Variants in TMEM181 observed in about 807,000 individuals in gnomAD.
The protein encoded by TMEM181 is G protein-coupled receptor 178.
Under a neutral mutation model 71.9 loss-of-function variants are expected in TMEM181, and 39 were observed. The ratio of observed to expected loss-of-function variants is 0.54; its 90% CI spans 0.42 to 0.71. The LOEUF is 0.71. Among genes scored for constraint, TMEM181 ranks in the 30% least tolerant of loss-of-function variants. The pLI is 0.00. For missense variants in TMEM181, 595 were observed against 583.0 expected, an observed-to-expected ratio of 1.02 and a Z score of -0.21; for synonymous variants, 245 against 228.8, an observed-to-expected ratio of 1.07 and a Z score of -0.64.
chr6:158,633,228 C>T lies in TMEM181; in HGVS notation c.*1340C>T, dbSNP rs960145354. The T allele has an allele frequency of 4.6e-5, 7 of 152,096 alleles. No homozygotes were observed. Among genetic ancestry groups the T allele is most frequent in the Admixed American group, 1.3e-4 (2 of 15,268 alleles). 9.4% of individuals were successfully genotyped at this position (152,096 alleles called of 1,614,324 possible). A position where few individuals can be genotyped will look rare whatever the true frequency, so the allele number is the denominator to read the frequency against. On this transcript the variant is annotated 3_prime_UTR_variant, in exon 17 of 17. Coordinates refer to ENST00000684151, the MANE Select transcript of TMEM181 (RefSeq NM_001376852.1). ...TTGGGTAGAAGGCAACTCGTGCTTC[C>T]GGAAGGGGTTCCCTGTCCTCCATGT...
intron 1 of TMEM181, among the ~76,000 whole-genome samples, chr6:158,567,747 C>G (rs537275673): frequency 6.6e-6 from 1 of 152,252 alleles, no homozygotes; most frequent in Admixed American, 6.5e-5. Flanking sequence ...TGATCTAGGG[C>G]AAGTAATGGA....
chr6:158,611,408 C>G (rs1785299984), intron 10 of TMEM181: 1 of 539,120 alleles, frequency 1.9e-6, no homozygotes, highest in South Asian at 1.4e-5. Context: ...CCAGGTAGAT[C>G]ATTGTGGAGC....
intron 2 of TMEM181, among the ~76,000 whole-genome samples, chr6:158,574,425 T>A (rs1783049927): frequency 6.6e-6 from 1 of 152,170 alleles, no homozygotes; most frequent in Admixed American, 6.5e-5. Flanking sequence ...CAGCACAAGA[T>A]ATATCCATGA....
chr6:158,579,933 T>C (rs1435952727), intron 2 of TMEM181, among the ~76,000 whole-genome samples: 1 of 152,098 alleles, frequency 6.6e-6, no homozygotes, highest in Non-Finnish European at 1.5e-5. Context: ...GAATGGGGAA[T>C]TGTTTGATAG....
At chr6:158,559,989 AC>A (rs945381992), upstream of TMEM181, 14 of 932,066 alleles carry the variant, frequency 1.5e-5, no homozygotes, top group African/African-American at 5.4e-5. Context: ...AAGGAGGGCC[AC>A]CCCCCTCGCC....
chr6:158,617,765 A>T (rs1432635244), intron 10 of TMEM181, among the ~76,000 whole-genome samples: 1 of 152,234 alleles, frequency 6.6e-6, no homozygotes, highest in East Asian at 1.9e-4. Context: ...CAGGTTGTTC[A>T]GTTCCCATGT....
At position 158,632,926 on chromosome 6, in the gene TMEM181, G is replaced by A. The variant is rs1786740292; in HGVS notation, c.*1038G>A. On this transcript the variant is annotated 3_prime_UTR_variant, in exon 17 of 17. Coordinates refer to ENST00000684151, the MANE Select transcript of TMEM181 (RefSeq NM_001376852.1). ...CTATAAAACATTTAGAAAGTTGGCT[G>A]GGCATGCTGGGGCATGCCCATAGTC... is the stretch of plus-strand genomic sequence containing the variant. 6.6e-6 allele frequency: 1 copy of A among 152,140 alleles called. No individual in the cohort carries two copies. The allele number at this position is 152,140 out of a possible 1,614,324, so 9.4% of individuals were successfully genotyped here. A position where few individuals can be genotyped will look rare whatever the true frequency, so the allele number is the denominator to read the frequency against.
Position 158,625,118 on chromosome 6 carries a change from C to A in TMEM181, c.969C>A (p.Phe323Leu). ...DTGNFQGMKV[F>L]FMVVAAVYIL... ...TGTCCTCCTAGGGAATGAAGGTCTT[C>A]TTCATGGTGGTGGCAGCGGTGTACA... The change falls in exon 12 of 17, where the codon TTC (phenylalanine) becomes TTA (leucine). Residue 323 changes from phenylalanine (F) to leucine (L), a missense_variant. By Grantham distance (22) the Phe-to-Leu change is conservative. Coordinates refer to ENST00000684151, the MANE Select transcript of TMEM181 (RefSeq NM_001376852.1). 11 of 1,614,144 alleles carry A rather than the reference C, an allele frequency of 6.8e-6. No homozygotes were observed. The highest frequency in any genetic ancestry group is 1.7e-4 in the Middle Eastern group (1 of 6,058).
Position 158,625,095 on chromosome 6 carries a change from T to C in TMEM181, c.955-9T>C, listed in dbSNP as rs1400744519. On this transcript the variant is annotated splice_polypyrimidine_tract_variant and intron_variant, in intron 11 of 16. Coordinates refer to ENST00000684151, the MANE Select transcript of TMEM181 (RefSeq NM_001376852.1). ...GTTCCGACTCAAGTGCTGCCTTGTG[T>C]CCTCCTAGGGAATGAAGGTCTTCTT... 3.1e-6 allele frequency: 5 copies of C among 1,610,918 alleles called. No individual in the cohort carries two copies. The Admixed American group carries it at 8.3e-5, about 27-fold the overall frequency.
intron 13 of TMEM181, 131 bp downstream of exon 13, chr6:158,625,885 C>T: frequency 1.2e-6 from 1 of 808,410 alleles, no homozygotes; most frequent in Non-Finnish European, 2.0e-6. Flanking sequence ...GGTTAGAGGG[C>T]CTCCCACCAA....
chr6:158,602,271 T>C (rs1374561232), intron 6 of TMEM181, among the ~76,000 whole-genome samples: 8 of 152,228 alleles, frequency 5.3e-5, no homozygotes, highest in Admixed American at 5.2e-4. Context: ...GTAACAGAAA[T>C]TGTTTATTCA....
intron 2 of TMEM181, among the ~76,000 whole-genome samples, chr6:158,577,212 G>A (rs978963590): frequency 6.6e-6 from 1 of 152,166 alleles, no homozygotes; most frequent in African/African-American, 2.4e-5. Context: ...TAAAGGTGCT[G>A]AGGCAACTAA....
chr6:158,547,669 A>G (rs1781571735), intron 1 of TMEM181, among the ~76,000 whole-genome samples: 1 of 151,860 alleles, frequency 6.6e-6, no homozygotes, highest in Non-Finnish European at 1.5e-5. Context: ...CAACGATTCC[A>G]GACCTTCTCC....
At chr6:158,611,978 C>CG (rs1554228502) in intron 10 of TMEM181, among the ~76,000 whole-genome samples, 3 of 144,754 alleles carry the variant, frequency 2.1e-5, no homozygotes, top group East Asian at 7.0e-4. Flanking sequence ...GCAGGGATAC[C>CG]CCCCCCACCT....
At chr6:158,536,728 G>C (rs1294451826) in exon 1 of TMEM181, 2 of 1,568,946 alleles carry the variant, frequency 1.3e-6, no homozygotes, top group Admixed American at 3.5e-5. Context: ...CCGGGAGGCT[G>C]CGCGGCATGG....
intron 4 of TMEM181, 52 bp from the exon 5 acceptor site, chr6:158,585,252 A>G: frequency 2.0e-6 from 3 of 1,516,470 alleles, no homozygotes; most frequent in Admixed American, 4.4e-5. Flanking sequence ...GCACCTTTGT[A>G]GGTGTGATGT....
chr6:158,543,108 C>T (rs1409013586), intron 1 of TMEM181, among the ~76,000 whole-genome samples: 1 of 152,040 alleles, frequency 6.6e-6, no homozygotes, highest in Non-Finnish European at 1.5e-5. Context: ...ATCTCCTGAC[C>T]TCGTGGTCTG....
rs570067750 is a variant in TMEM181 at position 158,618,748 on chromosome 6, T to C, written c.897-4802T>C. Reference sequence around the variant, plus strand: ...AAGGATTTTATTTCTCCTTCACTTATGAAGCTTAGTTTGGCTTGATACGAA... The same window carrying C: ...AAGGATTTTATTTCTCCTTCACTTACGAAGCTTAGTTTGGCTTGATACGAA... On this transcript the variant is annotated intron_variant, in intron 10 of 16. Coordinates refer to ENST00000684151, the MANE Select transcript of TMEM181 (RefSeq NM_001376852.1). 3.3e-5 allele frequency among the ~76,000 whole-genome samples: 5 copies of C among 152,374 alleles called. No homozygotes were observed. In the South Asian group the frequency reaches 6.2e-4, roughly 19 times the overall value.
intron 2 of TMEM181, among the ~76,000 whole-genome samples, chr6:158,573,978 C>G (rs954992960): frequency 6.6e-6 from 1 of 152,102 alleles, no homozygotes; most frequent in Non-Finnish European, 1.5e-5. Context: ...GTGGGATCAT[C>G]TAGGCCAATC....
Sources: allele counts gnomAD v4.1 joint callset (sites outside exome capture counted in the v4.1 genomes callset), GRCh38; gene constraint gnomAD v4.1.1; transcripts MANE v1.5; gene names NCBI Gene and HGNC (gene_info 2026-07-23, HGNC 2026-07-21).